DNAH6: variants seen among roughly 807,000 people sequenced by gnomAD.
The protein encoded by DNAH6 is axonemal beta dynein heavy chain 6.
Under a neutral mutation model 491.4 loss-of-function variants are expected in DNAH6, and 340 were observed. The observed-to-expected ratio is 0.69, with a 90% CI of 0.63 to 0.76. DNAH6 has a LOEUF of 0.76. Among genes scored for constraint, DNAH6 ranks in the 30% least tolerant of loss-of-function variants. The pLI is 0.00. For missense variants in DNAH6, 4,443 were observed against 4,972.2 expected (o/e 0.89, Z 3.20); for synonymous variants, 1,603 against 1,686.1 (o/e 0.95, Z 1.21).
chr2:84,555,274 A>T (rs754962546), intron 10 of DNAH6, among the ~76,000 whole-genome samples: 13 of 152,084 alleles, frequency 8.5e-5, no homozygotes, highest in Non-Finnish European at 1.6e-4. Flanking sequence ...TATACTTTTG[A>T]ATTCTAATAT....
intron 64 of DNAH6, chr2:84,777,441 T>C (rs1463342733): frequency 1.2e-5 from 7 of 600,018 alleles, no homozygotes; most frequent in Admixed American, 7.3e-5. Flanking sequence ...ATGGTGGAAA[T>C]TAGGTGCAAC....
At chr2:84,738,410 T>G (rs1672206211) in intron 62 of DNAH6, among the ~76,000 whole-genome samples, 1 of 152,148 alleles carries the variant, frequency 6.6e-6, no homozygotes, top group South Asian at 2.1e-4. Context: ...ATTTTCTGCC[T>G]CAGTGATCTA....
chr2:84,735,903 T>C (rs1018963812), intron 62 of DNAH6, among the ~76,000 whole-genome samples: 1 of 152,226 alleles, frequency 6.6e-6, no homozygotes, highest in African/African-American at 2.4e-5. Context: ...TTTTATTTTG[T>C]TGCATTTGCT....
At chr2:84,812,950 C>A in intron 73 of DNAH6, 108 bp from the exon 74 acceptor site, 2 of 882,402 alleles carry the variant, frequency 2.3e-6, no homozygotes, top group Non-Finnish European at 3.5e-6. Flanking sequence ...TAACTCAGGG[C>A]TGCTTTAGAT....
intron 64 of DNAH6, among the ~76,000 whole-genome samples, chr2:84,775,887 T>C (rs182802305): frequency 3.2e-4 from 49 of 152,324 alleles, no homozygotes; most frequent in Admixed American, 3.2e-3. Flanking sequence ...ATTGTGTTTA[T>C]TTGGATCTTC....
At chr2:84,779,804 A>G (rs1676505939) in intron 64 of DNAH6, among the ~76,000 whole-genome samples, 1 of 151,994 alleles carries the variant, frequency 6.6e-6, no homozygotes, top group East Asian at 1.9e-4. Flanking sequence ...GAGCTCTTTT[A>G]TGAATCTTTT....
the DNAH6 span, among the ~76,000 whole-genome samples, chr2:84,460,394 A>G: frequency 1.3e-5 from 2 of 152,268 alleles, no homozygotes; most frequent in Non-Finnish European, 2.9e-5. Flanking sequence ...TATCCATTAT[A>G]ACAAAATGGA....
In DNAH6 at chr2:84,544,375, A is replaced by G. The variant is rs756215098; in HGVS notation, c.805A>G (p.Lys269Glu). The change falls in exon 5 of 77, where the codon AAG (lysine) becomes GAG (glutamate). Residue 269 changes from lysine to glutamate, a missense_variant. This residue lies in a region of DNAH6 where 2,977 missense variants were observed against 3,296.6 expected (regional missense o/e 0.90). Transcript: ENST00000389394. Reference sequence around the variant, plus strand: ...ATATCTGTATCACAGAGAACTCACTAAGATTCCCATATTTTCACTGTTCCG... The same window carrying G: ...ATATCTGTATCACAGAGAACTCACTGAGATTCCCATATTTTCACTGTTCCG... ...QEYLYHRELT[K>E]IPIFSLFRKW... The G allele has an allele frequency of 5.8e-6, 9 of 1,546,144 alleles. No homozygotes were observed. In the African/African-American group the frequency reaches 6.8e-5, roughly 12 times the overall value.
chr2:84,508,804 C>G, the DNAH6 span, among the ~76,000 whole-genome samples: 1 of 152,178 alleles, frequency 6.6e-6, no homozygotes, highest in Non-Finnish European at 1.5e-5. Context: ...ATCTTTATTT[C>G]TGCCTTCATT....
At chr2:84,712,481 A>G (rs898004239) in intron 56 of DNAH6, among the ~76,000 whole-genome samples, 6 of 152,214 alleles carry the variant, frequency 3.9e-5, no homozygotes, top group African/African-American at 1.4e-4. Flanking sequence ...TTGAGGAAAA[A>G]GGCATAACTA....
At chr2:84,468,240 TAC>T in the DNAH6 span, among the ~76,000 whole-genome samples, 21 of 152,236 alleles carry the variant, frequency 1.4e-4, no homozygotes, top group African/African-American at 5.1e-4. Context: ...ATATAAACAT[TAC>T]ACACAACACA....
Position 84,624,528 on chromosome 2 carries a change from G to A in DNAH6, c.4261G>A (p.Asp1421Asn). Reference sequence around the variant, plus strand: ...GCGCTATTACTGGGATATAGACCTGGATAATTGTGTGGCTAGAATGGCGCT... The same window carrying A: ...GCGCTATTACTGGGATATAGACCTGAATAATTGTGTGGCTAGAATGGCGCT... ...QLRYYWDIDL[D>N]NCVARMALSQ... The change falls in exon 28 of 77, where the codon GAT (aspartate) becomes AAT (asparagine). Residue 1421 changes from aspartate to asparagine, a missense_variant. Around this residue, in one of 3 missense-constraint regions of DNAH6, gnomAD observed 2,977 missense variants for 3,296.6 expected, o/e 0.90. Coordinates refer to ENST00000389394, the MANE Select transcript of DNAH6 (RefSeq NM_001370.2). 2 of 1,551,896 alleles carry A rather than the reference G, an allele frequency of 1.3e-6. No homozygotes were observed. The highest frequency in any genetic ancestry group is 1.7e-6 in the Non-Finnish European group (2 of 1,146,990).
At chr2:84,558,410 C>T (rs953238825) in intron 11 of DNAH6, among the ~76,000 whole-genome samples, 5 of 144,836 alleles carry the variant, frequency 3.5e-5, no homozygotes, top group Admixed American at 7.0e-5. Context: ...GGTGACAGAG[C>T]GAGACTCCAT....
chr2:84,696,929 T>G (rs1435116356), intron 46 of DNAH6, among the ~76,000 whole-genome samples: 2 of 152,148 alleles, frequency 1.3e-5, no homozygotes, highest in Non-Finnish European at 2.9e-5. Context: ...ATATTTTCCC[T>G]TGCTAATAAT....
At chr2:84,703,025 C>G (rs1696075700) in intron 49 of DNAH6, among the ~76,000 whole-genome samples, 1 of 152,210 alleles carries the variant, frequency 6.6e-6, no homozygotes, top group Admixed American at 6.5e-5. Flanking sequence ...CCAGAGCAAA[C>G]AAGCTCCCAG....
At chr2:84,571,792 G>A (rs546804947) in intron 11 of DNAH6, among the ~76,000 whole-genome samples, 5 of 151,410 alleles carry the variant, frequency 3.3e-5, no homozygotes, top group Admixed American at 6.6e-5. Flanking sequence ...GGTGGCGGGC[G>A]CCTGTAATCC....
upstream of DNAH6, among the ~76,000 whole-genome samples, chr2:84,513,828 C>T (rs1449576725): frequency 6.6e-6 from 1 of 152,070 alleles, no homozygotes; most frequent in Non-Finnish European, 1.5e-5. Context: ...CTAGTTTTGT[C>T]TATACTCCTA....
In DNAH6 at chr2:84,805,532, C is replaced by A; in HGVS notation, c.11482-133C>A. ...GATCTCATGTTAATTGTTCTTACCA[C>A]AATAAAATAAAGTGAAAATAAATAA... On this transcript the variant is annotated intron_variant, in intron 70 of 76. Transcript: ENST00000389394. 1.3e-5 allele frequency: 10 copies of A among 774,778 alleles called. No homozygotes were observed. In the East Asian group the frequency reaches 1.6e-4, roughly 12 times the overall value. 48.0% of individuals were successfully genotyped at this position (774,778 alleles called of 1,614,324 possible).
At chr2:84,770,060 T>C (rs1046836488) in intron 64 of DNAH6, among the ~76,000 whole-genome samples, 3 of 152,186 alleles carry the variant, frequency 2.0e-5, no homozygotes, top group African/African-American at 7.2e-5. Context: ...AGAGCCCATC[T>C]GCAAAACCTG....
Sources: gnomAD v4.1 joint callset for allele counts (sites outside exome capture counted in the v4.1 genomes callset) on GRCh38, gnomAD v4.1.1 for gene constraint, gnomAD v4.1.1 regional missense constraint, MANE v1.5 for transcripts, NCBI Gene and HGNC (gene_info 2026-07-23, HGNC 2026-07-21) for gene names.